The following ADD1 variants were observed in gnomAD, a reference collection of about 807,000 sequenced individuals.
ADD1 encodes alpha-adducin.
A neutral mutation model predicts 80.5 loss-of-function variants in ADD1; 24 were observed. The observed-to-expected ratio is 0.30, with a 90% CI of 0.22 to 0.42. ADD1 has a LOEUF of 0.42. Among genes scored for constraint, ADD1 ranks in the 10% least tolerant of loss-of-function variants. The pLI is 1.00. For missense variants in ADD1, 948 were observed against 1,019.0 expected (o/e 0.93, Z 0.95); for synonymous variants, 373 against 393.8 (o/e 0.95, Z 0.63).
chr4:2,860,136 G>A (rs1420337134), intron 1 of ADD1, among the ~76,000 whole-genome samples: 1 of 151,942 alleles, frequency 6.6e-6, no homozygotes, highest in Non-Finnish European at 1.5e-5. Context: ...CAGGTACCAT[G>A]CTCACTTAGT....
At chr4:2,909,758 A>C (rs1737702158) in intron 13 of ADD1, among the ~76,000 whole-genome samples, 1 of 151,698 alleles carries the variant, frequency 6.6e-6, no homozygotes, top group Non-Finnish European at 1.5e-5. Context: ...CTTTTCCATG[A>C]CTCTGACTGC....
chr4:2,882,163 CAG>C, intron 3 of ADD1, 103 bp downstream of exon 3: 1 of 1,067,184 alleles, frequency 9.4e-7, no homozygotes, highest in African/African-American at 1.6e-5. Context: ...TATAACATAA[CAG>C]AGTTGAGTAT....
intron 1 of ADD1, among the ~76,000 whole-genome samples, chr4:2,852,207 C>CTTTCCTTTCCTTT (rs1553815097): frequency 6.0e-5 from 4 of 66,140 alleles, no homozygotes; most frequent in South Asian, 5.4e-4. Context: ...TCCTTTCTTT[C>CTTTCCTTTCCTTT]CTTTCCTTTC....
At chr4:2,909,119 C>CT (rs1308304705) in intron 12 of ADD1, 1 of 574,030 alleles carries the variant, frequency 1.7e-6, no homozygotes, top group Non-Finnish European at 3.1e-6. Context: ...CCACCTAATG[C>CT]TTTAACACCT....
rs902936375 is a variant in ADD1 at position 2,926,922 on chromosome 4, G to A, written c.2047+810G>A. Among the ~76,000 whole-genome samples the A allele has an allele frequency of 1.3e-5, 2 of 152,236 alleles. No homozygotes were observed. The highest frequency in any genetic ancestry group is 4.8e-5 in the African/African-American group (2 of 41,462). On this transcript the variant is annotated intron_variant, in intron 15 of 15. Transcript: ENST00000683351. This position sits in a 1 kb window ranked among gnomAD's most constrained non-coding sequence, Gnocchi z 5.0. ...CCATGGAGCACTCTGGGCCTCAGGA[G>A]TTCCTACCTCCAGCCTTTGAGGGTC...
chr4:2,867,391 G>A (rs1454568732), intron 1 of ADD1, among the ~76,000 whole-genome samples: 1 of 152,056 alleles, frequency 6.6e-6, no homozygotes, highest in Non-Finnish European at 1.5e-5. Context: ...CTGATTTTTG[G>A]CTCAGTACTG....
At chr4:2,858,001 T>A (rs1197823907) in intron 1 of ADD1, among the ~76,000 whole-genome samples, 1 of 152,172 alleles carries the variant, frequency 6.6e-6, no homozygotes, top group Non-Finnish European at 1.5e-5. Context: ...TTCAGAGCAT[T>A]GTGTTAGGAA....
chr4:2,896,602 C>A (rs961605033), intron 6 of ADD1, among the ~76,000 whole-genome samples: 1 of 152,050 alleles, frequency 6.6e-6, no homozygotes, highest in Non-Finnish European at 1.5e-5. Context: ...CTTATGTCAA[C>A]ATCGTGGTTT....
rs1734867641 is a variant in ADD1 at position 2,894,590 on chromosome 4, C to T, written c.600C>T (p.Ile200=). Reference sequence around the variant, plus strand: ...TATTTTTTTATTTTCAGGTTAAGATCAATCTACAAGGAGATATAGTAGATC... The same window carrying T: ...TATTTTTTTATTTTCAGGTTAAGATTAATCTACAAGGAGATATAGTAGATC... The part of the protein sequence containing the change: ...SEVTASSLVK[I]NLQGDIVDRG... Residue 200 remains isoleucine (I), a synonymous_variant, in exon 6 of 16, where the codon ATC becomes ATT. Coordinates refer to ENST00000683351, the MANE Select transcript of ADD1 (RefSeq NM_001354761.2). The T allele has an allele frequency of 6.3e-7, 1 of 1,598,790 alleles. No individual in the cohort carries two copies. The highest frequency in any genetic ancestry group is 2.2e-5 in the East Asian group (1 of 44,498).
chr4:2,928,616 C>A lies in ADD1; in HGVS notation c.*93C>A. 1.4e-6 allele frequency: 2 copies of A among 1,386,596 alleles called. No homozygotes were observed. The highest frequency in any genetic ancestry group is 1.5e-5 in the African/African-American group (1 of 68,498). The allele number at this position is 1,386,596 out of a possible 1,614,324, so 85.9% of individuals were successfully genotyped here. On this transcript the variant is annotated 3_prime_UTR_variant, in exon 16 of 16. Transcript: ENST00000683351. Reference sequence around the variant, plus strand: ...TGCTCTGTCCTTGTGTAATGGAATGCAAAAAAGCCAAGCCCTCCGCCTAGA... The same window carrying A: ...TGCTCTGTCCTTGTGTAATGGAATGAAAAAAAGCCAAGCCCTCCGCCTAGA...
rs749385850 is a variant in ADD1, at chr4:2,928,326, G to A, written c.2203G>A (p.Ala735Thr). The change falls in exon 16 of 16, where the codon GCC (alanine) becomes ACC (threonine). Residue 735 changes from alanine to threonine, a missense_variant. Physicochemically the swap from Ala to Thr is moderately conservative, Grantham distance 58 (BLOSUM62 0). Transcript: ENST00000683351. ...CCATAGACCCCCAAGCCCCACTGAGGCCCCTACTGAGGCCAGCCCCGAGCC... is the reference window on the plus strand; with the variant it reads ...CCATAGACCCCCAAGCCCCACTGAGACCCCTACTGAGGCCAGCCCCGAGCC... ...EAHRPPSPTE[A>T]PTEASPEPAP... 4 of 1,613,900 alleles carry A rather than the reference G, an allele frequency of 2.5e-6. No individual in the cohort carries two copies. Among genetic ancestry groups the A allele is most frequent in the Non-Finnish European group, 2.5e-6 (3 of 1,179,966 alleles).
At chr4:2,891,877 G>A (rs985487495) in intron 4 of ADD1, among the ~76,000 whole-genome samples, 1 of 152,188 alleles carries the variant, frequency 6.6e-6, no homozygotes, top group African/African-American at 2.4e-5. Flanking sequence ...AGATTTAGAT[G>A]TCTGAAAATT....
At chr4:2,845,081 C>CTTT (rs59579107) in intron 1 of ADD1, among the ~76,000 whole-genome samples, 2 of 149,886 alleles carry the variant, frequency 1.3e-5, no homozygotes, top group Admixed American at 6.6e-5. Context: ...GCGATGATAC[C>CTTT]TTTTTTTTTT....
At chr4:2,919,818 G>C (rs1421129474) in intron 14 of ADD1, among the ~76,000 whole-genome samples, 2 of 150,368 alleles carry the variant, frequency 1.3e-5, no homozygotes, top group African/African-American at 4.9e-5. Context: ...TTTTTTGAAG[G>C]CTTTTTTGTG....
At chr4:2,863,627 G>A (rs1307329542) in intron 1 of ADD1, among the ~76,000 whole-genome samples, 1 of 152,190 alleles carries the variant, frequency 6.6e-6, no homozygotes, top group East Asian at 1.9e-4. Context: ...CCTACAGTGA[G>A]TGTCTGCTGT....
intron 1 of ADD1, among the ~76,000 whole-genome samples, chr4:2,857,510 A>T (rs1311385781): frequency 6.6e-6 from 1 of 152,110 alleles, no homozygotes; most frequent in East Asian, 1.9e-4. Context: ...CAGGAGGCTG[A>T]GGTGGGAGGA....
rs376684645 is a variant in ADD1 at position 2,894,669 on chromosome 4, A to G, written c.679A>G (p.Ile227Val). The G allele has an allele frequency of 5.6e-6, 9 of 1,604,384 alleles. 1 individual carries two copies. In the African/African-American group the frequency reaches 8.1e-5, roughly 14 times the overall value. ...NQAGFTLHSA[I>V]YAARPDVKCV... The stretch of plus-strand genomic sequence containing the variant: ...GGCCGGCTTCACCTTACACTCTGCA[A>G]TTTATGCTGCACGCCCGGACGTGAA... Residue 227 changes from isoleucine to valine, a missense_variant, in exon 6 of 16, where the codon ATT (isoleucine) becomes GTT (valine). Coordinates refer to ENST00000683351, the MANE Select transcript of ADD1 (RefSeq NM_001354761.2).
chr4:2,851,631 C>A (rs1175087864), intron 1 of ADD1, among the ~76,000 whole-genome samples: 2 of 152,184 alleles, frequency 1.3e-5, no homozygotes, highest in Admixed American at 1.3e-4. Context: ...AAAAGGCCAA[C>A]CTTGTTGCCA....
intron 4 of ADD1, among the ~76,000 whole-genome samples, chr4:2,886,323 G>C (rs185049616): frequency 2.0e-5 from 3 of 152,306 alleles, no homozygotes; most frequent in African/African-American, 7.2e-5. Context: ...ACGGTCTGGA[G>C]CTCACCTTGT....
Sources: allele counts gnomAD v4.1 joint callset (sites outside exome capture counted in the v4.1 genomes callset), GRCh38; gene constraint gnomAD v4.1.1; non-coding constraint Gnocchi (gnomAD v3.1); transcripts MANE v1.5; gene names NCBI Gene and HGNC (gene_info 2026-07-23, HGNC 2026-07-21).